The following EBF4 variants were observed in gnomAD, a reference collection of about 807,000 sequenced individuals.
EBF4 encodes the protein EBF transcription factor 4.
Under a neutral mutation model 67.1 loss-of-function variants are expected in EBF4, and 34 were observed. The observed-to-expected ratio is 0.51, with a 90% CI of 0.39 to 0.67. The LOEUF (loss-of-function observed/expected upper bound fraction) is 0.67, where lower values mean the gene tolerates loss of function less well. EBF4 is among the 30% of genes least tolerant of loss of function. EBF4 has a pLI of 0.00. For synonymous variants in EBF4, 387 were observed against 377.7 expected (o/e 1.02, Z -0.29); for missense variants, 837 against 873.3 (o/e 0.96, Z 0.52).
chr20:2,731,399 C>T (rs2087811491), intron 6 of EBF4, among the ~76,000 whole-genome samples: 1 of 152,162 alleles, frequency 6.6e-6, no homozygotes, highest in East Asian at 1.9e-4. Context: ...ATCTGTATAG[C>T]CCAAACAGGC....
chr20:2,703,720 G>GAAA (rs144819609), intron 1 of EBF4, among the ~76,000 whole-genome samples: 14 of 144,070 alleles, frequency 9.7e-5, no homozygotes, highest in Non-Finnish European at 1.1e-4. Flanking sequence ...TATCTAAAAA[G>GAAA]AAAAAAAAAA....
At position 2,748,458 on chromosome 20, in the gene EBF4, C is replaced by T. The variant is rs1006672690; in HGVS notation, c.558-91C>T. On this transcript the variant is annotated intron_variant, in intron 6 of 16. Coordinates refer to ENST00000609451, the Ensembl canonical transcript of EBF4. ...TGGGAGCAGGCAGAGGGGACTCATC[C>T]TGTGGGGAGGGGGCATGGCAGGGAG... The T allele has an allele frequency of 3.9e-6, 5 of 1,270,196 alleles. No homozygotes were observed. In the African/African-American group the frequency reaches 7.4e-5, roughly 19 times the overall value. The allele number at this position is 1,270,196 out of a possible 1,614,324, so 78.7% of individuals were successfully genotyped here. A position where few individuals can be genotyped will look rare whatever the true frequency, so the allele number is the denominator to read the frequency against.
intron 6 of EBF4, among the ~76,000 whole-genome samples, chr20:2,715,181 TA>T (rs907065954): frequency 2.6e-5 from 4 of 151,566 alleles, no homozygotes; most frequent in African/African-American, 4.8e-5. Context: ...CCTGGCTTGT[TA>T]AAAAAAAATT....
chr20:2,732,703 A>G (rs1216804399), intron 6 of EBF4, among the ~76,000 whole-genome samples: 3 of 152,144 alleles, frequency 2.0e-5, no homozygotes, highest in Non-Finnish European at 2.9e-5. Flanking sequence ...CATTCTGCCA[A>G]TCTCTTCCTT....
intron 6 of EBF4, among the ~76,000 whole-genome samples, chr20:2,717,688 A>C (rs1156470854): frequency 6.6e-6 from 1 of 152,114 alleles, no homozygotes; most frequent in Non-Finnish European, 1.5e-5. Context: ...CAGCCATCTT[A>C]TACAAACAAA....
At chr20:2,729,528 C>A (rs192627497) in intron 6 of EBF4, among the ~76,000 whole-genome samples, 12 of 152,042 alleles carry the variant, frequency 7.9e-5, no homozygotes, top group Non-Finnish European at 1.6e-4. Flanking sequence ...CCTACTAGGC[C>A]GAAGTGAGAC....
Position 2,751,988 on chromosome 20 carries a change from G to T in EBF4, c.1173+1G>T. Reference sequence around the variant, plus strand: ...GTACGGAGTGCCCGGCAGTAACCAGGTATGGCGCCTCCGCCCTCCCAGCGC... The same window carrying T: ...GTACGGAGTGCCCGGCAGTAACCAGTTATGGCGCCTCCGCCCTCCCAGCGC... On this transcript the variant is annotated splice_donor_variant, in intron 12 of 16. Transcript: ENST00000609451. LOFTEE classifies it high-confidence loss of function. The surrounding 1 kb of genome is among the most constrained non-coding windows in gnomAD (Gnocchi z 5.2). The T allele has an allele frequency of 1.3e-6, 2 of 1,543,970 alleles. No homozygotes were observed. The highest frequency in any genetic ancestry group is 1.7e-6 in the Non-Finnish European group (2 of 1,144,672).
Position 2,749,616 on chromosome 20 carries a change from C to T in EBF4, c.758-4C>T. The T allele has an allele frequency of 6.4e-7, 1 of 1,555,046 alleles. No homozygotes were observed. The highest frequency in any genetic ancestry group is 8.7e-7 in the Non-Finnish European group (1 of 1,149,858). On this transcript the variant is annotated splice_polypyrimidine_tract_variant and splice_region_variant and intron_variant, in intron 8 of 16. Transcript: ENST00000609451. ...CCTGACCTGGGTCCTCTCCTGCCTC[C>T]CAGCTGCCACCCCCTGCATCAAGGC...
intron 1 of EBF4, among the ~76,000 whole-genome samples, chr20:2,697,795 G>C (rs1299516534): frequency 6.6e-6 from 1 of 152,158 alleles, no homozygotes; most frequent in Non-Finnish European, 1.5e-5. Context: ...AAGTCCTCCT[G>C]CTGGCACACT....
intron 6 of EBF4, among the ~76,000 whole-genome samples, chr20:2,721,930 T>C (rs897047423): frequency 6.6e-6 from 1 of 152,252 alleles, no homozygotes; most frequent in South Asian, 2.1e-4. Flanking sequence ...TGTAATTGGA[T>C]GTCAGATATT....
Position 2,755,611 on chromosome 20 carries a change from C to A in EBF4, c.1541-16C>A. 2 of 1,263,222 alleles carry A rather than the reference C, an allele frequency of 1.6e-6. No individual in the cohort carries two copies. The highest frequency in any genetic ancestry group is 2.6e-5 in the South Asian group (2 of 77,768). 78.3% of individuals were successfully genotyped at this position (1,263,222 alleles called of 1,614,324 possible). On this transcript the variant is annotated splice_polypyrimidine_tract_variant and intron_variant, in intron 14 of 16. Transcript: ENST00000609451. The surrounding 1 kb of genome is among the most constrained non-coding windows in gnomAD (Gnocchi z 4.7). Reference sequence around the variant, plus strand: ...CCTTCCCTGCTGCGCCTGCCCCTCCCCGCCCCGCCCCGGAGTCATGCCCTC... The same window carrying A: ...CCTTCCCTGCTGCGCCTGCCCCTCCACGCCCCGCCCCGGAGTCATGCCCTC...
intron 6 of EBF4, among the ~76,000 whole-genome samples, chr20:2,730,613 C>A (rs1308209284): frequency 2.0e-5 from 3 of 152,198 alleles, no homozygotes; most frequent in Admixed American, 2.0e-4. Context: ...AATCCTTAAG[C>A]CACCATATCA....
intron 6 of EBF4, among the ~76,000 whole-genome samples, chr20:2,711,585 C>G (rs186506683): frequency 2.0e-5 from 3 of 152,310 alleles, no homozygotes. Flanking sequence ...TTGAGAATGC[C>G]TATTCCTTAC....
intron 6 of EBF4, among the ~76,000 whole-genome samples, chr20:2,724,245 G>A (rs2087720649): frequency 6.6e-6 from 1 of 152,184 alleles, no homozygotes; most frequent in African/African-American, 2.4e-5. Context: ...ATTTGGAAAT[G>A]GTTGTTAAAC....
At chr20:2,748,180 A>C (rs984774037) in intron 6 of EBF4, among the ~76,000 whole-genome samples, 1 of 152,132 alleles carries the variant, frequency 6.6e-6, no homozygotes, top group Admixed American at 6.5e-5. Context: ...TGTATGTGTG[A>C]TGGGTATACA....
rs765140101 is a variant in EBF4, at chr20:2,696,354, G to A, written c.137+2572G>A. Among the ~76,000 whole-genome samples the A allele has an allele frequency of 5.3e-5, 8 of 151,978 alleles. No homozygotes were observed. The highest frequency in any genetic ancestry group is 8.8e-5 in the Non-Finnish European group (6 of 67,956). On this transcript the variant is annotated intron_variant, in intron 1 of 16. Transcript: ENST00000609451. This position sits in a 1 kb window ranked among gnomAD's most constrained non-coding sequence, Gnocchi z 4.7. Reference sequence around the variant, plus strand: ...GGGCGTGGTGAAGCATGCTTGTAGTGCCAGCTACTTGGGAGGCTGAGGTGG... The same window carrying A: ...GGGCGTGGTGAAGCATGCTTGTAGTACCAGCTACTTGGGAGGCTGAGGTGG...
chr20:2,747,665 A>C lies in EBF4; in HGVS notation c.558-884A>C, dbSNP rs1480862777. On this transcript the variant is annotated intron_variant, in intron 6 of 16. Coordinates refer to ENST00000609451, the Ensembl canonical transcript of EBF4. The surrounding 1 kb of genome is among the most constrained non-coding windows in gnomAD (Gnocchi z 4.6). ...AGGAGGATATGCCATGTGGGAGGTG[A>C]ATTTGCTGGGGGCATCTGCTATATG... 6.6e-6 allele frequency among the ~76,000 whole-genome samples: 1 copy of C among 152,178 alleles called. No individual in the cohort carries two copies. Among genetic ancestry groups the C allele is most frequent in the African/African-American group, 2.4e-5 (1 of 41,428 alleles).
In EBF4 at chr20:2,747,360, T is replaced by G. The variant is rs1185139936; in HGVS notation, c.558-1189T>G. 6.7e-6 allele frequency among the ~76,000 whole-genome samples: 1 copy of G among 148,820 alleles called. No homozygotes were observed. The highest frequency in any genetic ancestry group is 1.5e-5 in the Non-Finnish European group (1 of 67,404). ...AAAAAAAAGAGTACAACAGCCAGAA[T>G]GTTGTCCATGGCTACCTTACTGGTA... On this transcript the variant is annotated intron_variant, in intron 6 of 16. Transcript: ENST00000609451. The surrounding 1 kb of genome is among the most constrained non-coding windows in gnomAD (Gnocchi z 4.6).
At chr20:2,695,788 C>T (rs553694637) in intron 1 of EBF4, among the ~76,000 whole-genome samples, 4 of 151,888 alleles carry the variant, frequency 2.6e-5, no homozygotes, top group African/African-American at 7.2e-5. Flanking sequence ...GCCTTCATCA[C>T]GGCCTGGTTT....
Sources: allele counts gnomAD v4.1 joint callset (sites outside exome capture counted in the v4.1 genomes callset), GRCh38; gene constraint gnomAD v4.1.1; non-coding constraint Gnocchi (gnomAD v3.1); transcripts MANE v1.5; gene names NCBI Gene and HGNC (gene_info 2026-07-23, HGNC 2026-07-21).